Variants in GPC5 observed in about 807,000 individuals in gnomAD.
GPC5 encodes the protein glypican-5.
A neutral mutation model predicts 53.9 loss-of-function variants in GPC5; 47 were observed. The observed-to-expected ratio is 0.87, with a 90% CI of 0.69 to 1.11. GPC5 has a LOEUF of 1.11. Among genes scored for constraint, GPC5 ranks in the 50% most tolerant of loss-of-function variants. The probability of loss-of-function intolerance (pLI) is 0.00; values close to 1 mark genes in which losing one functional copy is unlikely to be tolerated. For synonymous variants in GPC5, 286 were observed against 263.3 expected (o/e 1.09, Z -0.84); for missense variants, 748 against 713.1 (o/e 1.05, Z -0.56).
chr13:92,604,588 C>A (rs896870235), intron 7 of GPC5, among the ~76,000 whole-genome samples: 1 of 152,158 alleles, frequency 6.6e-6, no homozygotes, highest in Non-Finnish European at 1.5e-5. Flanking sequence ...TAATTTCAGA[C>A]CCAGTTTTAA....
intron 6 of GPC5, among the ~76,000 whole-genome samples, chr13:92,077,251 G>A (rs1279217036): frequency 3.3e-5 from 5 of 152,174 alleles, no homozygotes; most frequent in East Asian, 3.9e-4. Context: ...CATGTGCCAC[G>A]GTCACTCATA....
intron 7 of GPC5, among the ~76,000 whole-genome samples, chr13:92,308,550 T>C (rs577481608): frequency 6.6e-6 from 1 of 152,316 alleles, no homozygotes; most frequent in South Asian, 2.1e-4. Context: ...CTATAATAAC[T>C]AACTAGTAAT....
intron 7 of GPC5, among the ~76,000 whole-genome samples, chr13:92,579,240 T>TCG (rs1450725807): frequency 8.3e-6 from 1 of 120,650 alleles, no homozygotes. Flanking sequence ...ACATTTATGC[T>TCG]CTCTCCCTCC....
At chr13:92,673,694 C>T (rs934488151) in intron 7 of GPC5, among the ~76,000 whole-genome samples, 2 of 152,146 alleles carry the variant, frequency 1.3e-5, no homozygotes, top group African/African-American at 4.8e-5. Flanking sequence ...TATCATTCCA[C>T]AGTAGATAAA....
intron 6 of GPC5, among the ~76,000 whole-genome samples, chr13:92,143,342 A>G (rs2041844674): frequency 2.0e-5 from 3 of 152,182 alleles, no homozygotes; most frequent in Admixed American, 1.3e-4. Context: ...TCATTTATAT[A>G]ATGGTATAAA....
intron 7 of GPC5, 102 bp from the exon 8 acceptor site, chr13:92,866,180 C>A: frequency 1.0e-6 from 1 of 958,116 alleles, no homozygotes; most frequent in Non-Finnish European, 1.5e-6. Flanking sequence ...GAGAATGGTC[C>A]CCAAAAACAA....
intron 5 of GPC5, among the ~76,000 whole-genome samples, chr13:91,882,148 G>A (rs866924804): frequency 2.6e-5 from 4 of 152,032 alleles, no homozygotes; most frequent in African/African-American, 9.7e-5. Flanking sequence ...GGGGGTGCTT[G>A]TTGTCCTGTT....
chr13:91,934,247 G>A (rs1272229176), intron 6 of GPC5, among the ~76,000 whole-genome samples: 2 of 151,860 alleles, frequency 1.3e-5, no homozygotes, highest in African/African-American at 4.8e-5. Context: ...AGAGGCAGAA[G>A]TTTTAAAAAT....
intron 7 of GPC5, among the ~76,000 whole-genome samples, chr13:92,364,006 A>C (rs528552345): frequency 2.0e-5 from 3 of 151,840 alleles, no homozygotes; most frequent in African/African-American, 7.3e-5. Context: ...AGAGAAATTG[A>C]AGATGTATAT....
At chr13:91,815,348 G>A (rs1017324455) in intron 5 of GPC5, among the ~76,000 whole-genome samples, 13 of 152,064 alleles carry the variant, frequency 8.5e-5, no homozygotes, top group Non-Finnish European at 1.2e-4. Flanking sequence ...CAGCCTGGAA[G>A]ACAAAGTAAA....
rs186179649 is a variant in GPC5, at chr13:91,910,457, T to C, written c.1401+2400T>C. 2.1e-4 allele frequency among the ~76,000 whole-genome samples: 32 copies of C among 152,330 alleles called. No individual in the cohort carries two copies. In the East Asian group the frequency reaches 6.0e-3, roughly 28 times the overall value. On this transcript the variant is annotated intron_variant, in intron 6 of 7. Transcript: ENST00000377067. ...ATCACTTCTTAGTGTTTGTATAAAA[T>C]TTACTTTATTTTTTATTATAGTAGA...
intron 7 of GPC5, among the ~76,000 whole-genome samples, chr13:92,206,986 C>A (rs7328874): frequency 0.02 from 3,077 of 152,242 alleles, 107 homozygotes; most frequent in African/African-American, 0.069. Flanking sequence ...ATGAGCCTCT[C>A]TTGAGGTATT....
chr13:92,396,236 T>G (rs531562444), intron 7 of GPC5, among the ~76,000 whole-genome samples: 1 of 152,326 alleles, frequency 6.6e-6, no homozygotes, highest in Non-Finnish European at 1.5e-5. Flanking sequence ...ACTGATTCTT[T>G]CCTCATTTAC....
intron 7 of GPC5, among the ~76,000 whole-genome samples, chr13:92,390,183 C>A (rs1874929334): frequency 6.6e-6 from 1 of 152,016 alleles, no homozygotes; most frequent in Non-Finnish European, 1.5e-5. Context: ...TGGTATTAAA[C>A]TGAAGAAAGA....
In GPC5 at chr13:92,228,860, C is replaced by A. The variant is rs1019345507; in HGVS notation, c.1561+83871C>A. Among the ~76,000 whole-genome samples, 4 of 151,722 alleles carry A rather than the reference C, an allele frequency of 2.6e-5. No individual in the cohort carries two copies. The South Asian group carries it at 6.2e-4, about 24-fold the overall frequency. On this transcript the variant is annotated intron_variant, in intron 7 of 7. Coordinates refer to ENST00000377067, the MANE Select transcript of GPC5 (RefSeq NM_004466.6). ...ATAATGTTAACTCCAAGGGAGGTAA[C>A]CAGGGAAGGTAACAAAGGTTTAGCT... is the stretch of plus-strand genomic sequence containing the variant.
chr13:91,432,203 C>CTGCTGTG (rs1555306318), intron 1 of GPC5, among the ~76,000 whole-genome samples: 17 of 136,450 alleles, frequency 1.2e-4, no homozygotes, highest in African/African-American at 4.4e-4. Flanking sequence ...GCTGCTGCTG[C>CTGCTGTG]TGTGTGTGTG....
intron 7 of GPC5, among the ~76,000 whole-genome samples, chr13:92,491,506 C>A (rs1351031645): frequency 6.6e-6 from 1 of 152,016 alleles, no homozygotes; most frequent in Non-Finnish European, 1.5e-5. Flanking sequence ...CATGGTAAAG[C>A]AAAGATTTTC....
chr13:92,450,627 G>C (rs1189865899), intron 7 of GPC5, among the ~76,000 whole-genome samples: 7 of 152,150 alleles, frequency 4.6e-5, no homozygotes, highest in Non-Finnish European at 1.0e-4. Context: ...GAAGCTGCAG[G>C]CTGGTTGATG....
At chr13:92,840,908 T>C (rs529673587) in intron 7 of GPC5, among the ~76,000 whole-genome samples, 65 of 152,252 alleles carry the variant, frequency 4.3e-4, no homozygotes, top group African/African-American at 1.5e-3. Context: ...AGATTGTTCA[T>C]TTTTGATGTA....
Sources: gnomAD v4.1 joint callset for allele counts (sites outside exome capture counted in the v4.1 genomes callset) on GRCh38, gnomAD v4.1.1 for gene constraint, MANE v1.5 for transcripts, NCBI Gene and HGNC (gene_info 2026-07-23, HGNC 2026-07-21) for gene names.